MACROD2: variants seen among roughly 807,000 people sequenced by gnomAD.
The protein encoded by MACROD2 is ADP-ribose glycohydrolase MACROD2.
Under a neutral mutation model 70.4 loss-of-function variants are expected in MACROD2, and 36 were observed. The observed-to-expected ratio is 0.51, with a 90% CI of 0.39 to 0.68. MACROD2 has a LOEUF of 0.68. Among genes scored for constraint, MACROD2 ranks in the 30% least tolerant of loss-of-function variants. MACROD2 has a pLI of 0.00. For synonymous variants in MACROD2, 172 were observed against 178.8 expected (o/e 0.96, Z 0.30); for missense variants, 496 against 538.4 (o/e 0.92, Z 0.78).
At chr20:14,342,933 C>T (rs955628030) in intron 3 of MACROD2, among the ~76,000 whole-genome samples, 1 of 151,994 alleles carries the variant, frequency 6.6e-6, no homozygotes, top group African/African-American at 2.4e-5. Flanking sequence ...TCATGTTGGA[C>T]TGTTACACTT....
chr20:15,669,077 C>T (rs1016685065), intron 8 of MACROD2, among the ~76,000 whole-genome samples: 6 of 152,118 alleles, frequency 3.9e-5, no homozygotes, highest in Admixed American at 3.9e-4. Flanking sequence ...ATATATACTC[C>T]AACCTTTTAA....
At chr20:16,047,864 A>G (rs543373283) in intron 17 of MACROD2, among the ~76,000 whole-genome samples, 1 of 152,328 alleles carries the variant, frequency 6.6e-6, no homozygotes, top group African/African-American at 2.4e-5. Context: ...ATTCAACGTA[A>G]GGAGTTGGAA....
rs869131623 is a variant in MACROD2 at position 15,513,283 on chromosome 20, TCC to T, written c.645+13439_645+13440del. Reference sequence around the variant, plus strand: ...TTCGGGAGTCAAAGGAAAAAGAAAATCCCCTGTTTTCTAAGTACAGCTGGGTA... The same window carrying T: ...TTCGGGAGTCAAAGGAAAAAGAAAATCCTGTTTTCTAAGTACAGCTGGGTA... On this transcript the variant is annotated intron_variant, in intron 8 of 17. Transcript: ENST00000684519. Among the ~76,000 whole-genome samples, 5 of 150,810 alleles carry T rather than the reference TCC, an allele frequency of 3.3e-5. No homozygotes were observed. In the South Asian group the frequency reaches 6.5e-4, roughly 20 times the overall value.
chr20:15,423,408 A>G (rs1046698341), intron 6 of MACROD2, among the ~76,000 whole-genome samples: 1 of 152,238 alleles, frequency 6.6e-6, no homozygotes, highest in Non-Finnish European at 1.5e-5. Flanking sequence ...GCTCAAGTCT[A>G]TCATCAGCGG....
intron 2 of MACROD2, among the ~76,000 whole-genome samples, chr20:14,022,496 C>G (rs1356344244): frequency 6.7e-6 from 1 of 148,538 alleles, no homozygotes; most frequent in Non-Finnish European, 1.5e-5. Context: ...GCAGAACATG[C>G]AGTTTTGTTA....
At chr20:15,141,260 A>C (rs2076189903) in intron 5 of MACROD2, among the ~76,000 whole-genome samples, 1 of 151,958 alleles carries the variant, frequency 6.6e-6, no homozygotes, top group Non-Finnish European at 1.5e-5. Flanking sequence ...TGCATGTAGA[A>C]TTTACATGCA....
intron 8 of MACROD2, among the ~76,000 whole-genome samples, chr20:15,683,495 T>C (rs1490565037): frequency 6.6e-6 from 1 of 152,200 alleles, no homozygotes; most frequent in Non-Finnish European, 1.5e-5. Context: ...AACCCTGTAT[T>C]GGGAGCAAAA....
intron 2 of MACROD2, among the ~76,000 whole-genome samples, chr20:14,072,717 G>A (rs1022398826): frequency 2.6e-5 from 4 of 152,092 alleles, no homozygotes; most frequent in South Asian, 2.1e-4. Flanking sequence ...GGCGGATCAC[G>A]AGGTCAGGAG....
At chr20:15,170,122 C>G (rs1182535064) in intron 5 of MACROD2, among the ~76,000 whole-genome samples, 1 of 152,166 alleles carries the variant, frequency 6.6e-6, no homozygotes, top group African/African-American at 2.4e-5. Flanking sequence ...TTATTCAAAA[C>G]TCAACAACTC....
At chr20:15,052,722 G>A (rs1285029138) in intron 5 of MACROD2, among the ~76,000 whole-genome samples, 3 of 152,180 alleles carry the variant, frequency 2.0e-5, no homozygotes, top group African/African-American at 7.2e-5. Flanking sequence ...TGGCCTTTAA[G>A]TGTTCAAGTG....
At chr20:14,965,439 A>C (rs1038186348) in intron 5 of MACROD2, among the ~76,000 whole-genome samples, 2 of 146,750 alleles carry the variant, frequency 1.4e-5, no homozygotes, top group African/African-American at 5.0e-5. Context: ...GACGGCTAAA[A>C]GTTATTTTTT....
At chr20:14,802,856 A>G (rs963728867) in intron 5 of MACROD2, among the ~76,000 whole-genome samples, 1 of 150,298 alleles carries the variant, frequency 6.7e-6, no homozygotes, top group Non-Finnish European at 1.5e-5. Flanking sequence ...TATCTGCAAA[A>G]GATTTTTTTT....
chr20:15,127,299 C>T (rs1339102028), intron 5 of MACROD2, among the ~76,000 whole-genome samples: 1 of 152,034 alleles, frequency 6.6e-6, no homozygotes, highest in Non-Finnish European at 1.5e-5. Context: ...TCAGGGTCAA[C>T]CCAAACTATT....
chr20:14,896,498 C>T (rs2073831588), intron 5 of MACROD2, among the ~76,000 whole-genome samples: 1 of 151,956 alleles, frequency 6.6e-6, no homozygotes. Flanking sequence ...TAGATTTCTC[C>T]CCTTGTCTAT....
chr20:15,189,197 G>T (rs1382224904), intron 5 of MACROD2, among the ~76,000 whole-genome samples: 1 of 151,744 alleles, frequency 6.6e-6, no homozygotes, highest in African/African-American at 2.4e-5. Context: ...CCTCCATCAG[G>T]CTGAGTCCCT....
intron 3 of MACROD2, among the ~76,000 whole-genome samples, chr20:14,192,518 G>C (rs2081397012): frequency 6.6e-6 from 1 of 152,142 alleles, no homozygotes. Flanking sequence ...AAGAGGCACT[G>C]GTCCTACACT....
At chr20:14,035,608 C>T (rs1243442346) in intron 2 of MACROD2, among the ~76,000 whole-genome samples, 5 of 152,098 alleles carry the variant, frequency 3.3e-5, no homozygotes, top group African/African-American at 7.2e-5. Context: ...CAAGTGCTTA[C>T]GGATATTTTA....
chr20:14,855,597 GTTTTTTTTTTTTTTTTT>G (rs71190156), intron 5 of MACROD2, among the ~76,000 whole-genome samples: 1 of 77,242 alleles, frequency 1.3e-5, no homozygotes, highest in African/African-American at 5.3e-5. Context: ...ATCCTACCAA[GTTTTTTTTTTTTTTTTT>G]TTTTTTTTTT....
chr20:15,101,783 T>C (rs1279306128), intron 5 of MACROD2, among the ~76,000 whole-genome samples: 1 of 151,988 alleles, frequency 6.6e-6, no homozygotes, highest in Non-Finnish European at 1.5e-5. Context: ...TATAAATATA[T>C]AGATTTTCTA....
Sources: gnomAD v4.1 joint callset for allele counts (sites outside exome capture counted in the v4.1 genomes callset) on GRCh38, gnomAD v4.1.1 for gene constraint, MANE v1.5 for transcripts, NCBI Gene and HGNC (gene_info 2026-07-23, HGNC 2026-07-21) for gene names.